PLA2R1: variants seen among roughly 807,000 people sequenced by gnomAD.
The protein encoded by PLA2R1 is secretory phospholipase A2 receptor.
In PLA2R1, 158 loss-of-function variants were observed where a neutral mutation model predicts 195.9. That is an observed-to-expected ratio of 0.81 (90% confidence interval 0.71 to 0.92). The LOEUF (loss-of-function observed/expected upper bound fraction) is 0.92. Ranked by LOEUF, PLA2R1 falls within the 40% of genes least tolerant of loss-of-function variation. The pLI is 0.00. For synonymous variants in PLA2R1, 586 were observed against 598.2 expected, an observed-to-expected ratio of 0.98 and a Z score of 0.30; for missense variants, 1,626 against 1,764.6, an observed-to-expected ratio of 0.92 and a Z score of 1.41.
chr2:159,946,606 TG>T, intron 27 of PLA2R1, 194 bp downstream of exon 27: 1 of 1,287,854 alleles, frequency 7.8e-7, no homozygotes. Flanking sequence ...TTTGGTGTTC[TG>T]GGATTATTTT....
chr2:159,931,919 T>G (rs999933236), downstream of PLA2R1: 2 of 152,352 alleles, frequency 1.3e-5, no homozygotes, highest in Non-Finnish European at 2.9e-5. Context: ...AAAACAATTC[T>G]TATGATTCCT....
intron 1 of PLA2R1, among the ~76,000 whole-genome samples, chr2:160,049,030 A>G (rs1695060755): frequency 1.3e-5 from 2 of 151,482 alleles, no homozygotes; most frequent in Admixed American, 1.3e-4. Context: ...TTTAGTAGAG[A>G]CGGGGTTTCA....
chr2:159,990,677 C>T (rs775874155), intron 11 of PLA2R1, among the ~76,000 whole-genome samples: 1 of 152,182 alleles, frequency 6.6e-6, no homozygotes, highest in South Asian at 2.1e-4. Flanking sequence ...AAGTTTCCTG[C>T]AATGCTGTGT....
At chr2:159,984,108 T>A (rs375011855) in intron 12 of PLA2R1, 35 bp from the exon 13 acceptor site, 1 of 1,053,264 alleles carries the variant, frequency 9.5e-7, no homozygotes, top group Admixed American at 2.0e-5. Context: ...AACATTGTTA[T>A]AGATAAAGTC....
rs375709660 is a variant in PLA2R1 at position 159,976,426 on chromosome 2, C to T, written c.2438-201G>A. ...TCTTTGGTCTATCTCTTACAAGATA[C>T]CTTCACTAGTATTAAAAGGTCGGGG... is the stretch of plus-strand genomic sequence containing the variant. On this transcript the variant is annotated intron_variant, in intron 16 of 29. Coordinates refer to ENST00000283243, the MANE Select transcript of PLA2R1 (RefSeq NM_007366.5). Among the ~76,000 whole-genome samples, 122 of 152,034 alleles carry T rather than the reference C, an allele frequency of 8.0e-4. 3 individuals are homozygous for T. In the South Asian group the frequency reaches 0.025, roughly 31 times the overall value.
intron 3 of PLA2R1, among the ~76,000 whole-genome samples, chr2:160,033,345 T>G (rs982315334): frequency 6.6e-6 from 1 of 152,158 alleles, no homozygotes; most frequent in African/African-American, 2.4e-5. Context: ...TAAAGAAATA[T>G]AAGAAATCAC....
At chr2:159,955,101 A>G in intron 23 of PLA2R1, 98 bp downstream of exon 23, 1 of 850,200 alleles carries the variant, frequency 1.2e-6, no homozygotes, top group Non-Finnish European at 1.9e-6. Context: ...TAGCCAGGAA[A>G]CTGTTAGCTA....
intron 11 of PLA2R1, among the ~76,000 whole-genome samples, chr2:159,991,597 A>C (rs1160718160): frequency 3.5e-5 from 5 of 142,896 alleles, no homozygotes; most frequent in Admixed American, 6.8e-5. Flanking sequence ...ATATCTCCCA[A>C]TGCTATCCCT....
chr2:160,062,149 A>G (rs1450294277), intron 1 of PLA2R1, 146 bp downstream of exon 1: 1 of 590,614 alleles, frequency 1.7e-6, no homozygotes, highest in Non-Finnish European at 2.9e-6. Context: ...CCCCATGCTC[A>G]GGACTGCTGA....
chr2:159,929,852 T>TTA (rs1037447693), downstream of PLA2R1, among the ~76,000 whole-genome samples: 1 of 147,660 alleles, frequency 6.8e-6, no homozygotes, highest in East Asian at 2.0e-4. Flanking sequence ...TATTATATAT[T>TTA]TGTGTGTGTG....
rs370863011 is a variant in PLA2R1 at position 159,985,089 on chromosome 2, C to T, written c.2038-1016G>A. Among the ~76,000 whole-genome samples, 21 of 152,302 alleles carry T rather than the reference C, an allele frequency of 1.4e-4. No individual in the cohort carries two copies. In the East Asian group the frequency reaches 1.9e-3, roughly 14 times the overall value. On this transcript the variant is annotated intron_variant, in intron 12 of 29. Coordinates refer to ENST00000283243, the MANE Select transcript of PLA2R1 (RefSeq NM_007366.5). ...TCAGGGTGATATATAGTAGAAAAGGCACCAGACCAGAAGTCCTAAACCAGG... is the reference window on the plus strand; with the variant it reads ...TCAGGGTGATATATAGTAGAAAAGGTACCAGACCAGAAGTCCTAAACCAGG...
rs1480811747 is a variant in PLA2R1 at position 159,947,406 on chromosome 2, CA to C, written c.3850+12del. The C allele has an allele frequency of 1.3e-6, 2 of 1,588,884 alleles. No homozygotes were observed. The highest frequency in any genetic ancestry group is 1.2e-5 in the South Asian group (1 of 85,814). ...GCACATGAAAGCATTTTTACCATCA[CA>C]AAAACAATTACCTTCCTTTTTGCAA... On this transcript the variant is annotated intron_variant, in intron 26 of 29. Transcript: ENST00000283243.
At chr2:159,949,296 A>G (rs1057268050) in intron 25 of PLA2R1, among the ~76,000 whole-genome samples, 3 of 151,782 alleles carry the variant, frequency 2.0e-5, no homozygotes, top group Non-Finnish European at 4.4e-5. Flanking sequence ...ATGCCTTTCC[A>G]TGTCCCATTA....
intron 10 of PLA2R1, among the ~76,000 whole-genome samples, chr2:160,007,031 C>G (rs577996616): frequency 6.6e-6 from 1 of 152,300 alleles, no homozygotes; most frequent in Admixed American, 6.5e-5. Context: ...GGATTTTCGT[C>G]ATACTTTAGT....
At chr2:160,014,948 ATTC>A (rs1028728586) in intron 9 of PLA2R1, among the ~76,000 whole-genome samples, 22 of 152,306 alleles carry the variant, frequency 1.4e-4, no homozygotes, top group Non-Finnish European at 4.4e-5. Flanking sequence ...CCGATAATGT[ATTC>A]TTCTTCATTA....
intron 11 of PLA2R1, among the ~76,000 whole-genome samples, chr2:159,992,529 G>A (rs1180038013): frequency 1.3e-5 from 2 of 148,902 alleles, no homozygotes; most frequent in East Asian, 3.9e-4. Context: ...ACAAACAAAT[G>A]GAAGAACATT....
At chr2:160,020,392 T>G (rs1171640523) in intron 7 of PLA2R1, 129 bp from the exon 8 acceptor site, 2 of 638,734 alleles carry the variant, frequency 3.1e-6, no homozygotes, top group African/African-American at 3.7e-5. Context: ...TGATGAAATC[T>G]GTTTAAGTCT....
At chr2:159,980,311 A>C (rs1689860719) in intron 13 of PLA2R1, among the ~76,000 whole-genome samples, 1 of 152,214 alleles carries the variant, frequency 6.6e-6, no homozygotes, top group South Asian at 2.1e-4. Context: ...CAGGAATAGC[A>C]AAGCCTTTCA....
At chr2:159,975,675 T>C (rs531655646) in intron 17 of PLA2R1, among the ~76,000 whole-genome samples, 1 of 152,268 alleles carries the variant, frequency 6.6e-6, no homozygotes, top group Non-Finnish European at 1.5e-5. Flanking sequence ...GAATTGATTA[T>C]GGTCTTTCTT....
Sources: allele counts gnomAD v4.1 joint callset (sites outside exome capture counted in the v4.1 genomes callset), GRCh38; gene constraint gnomAD v4.1.1; transcripts MANE v1.5; gene names NCBI Gene and HGNC (gene_info 2026-07-23, HGNC 2026-07-21).